NXPE2: variants seen among roughly 807,000 people sequenced by gnomAD.
NXPE2 encodes the protein neurexophilin and PC-esterase domain family member 2, also known as NXPE family member 2.
Under a neutral mutation model 34.4 loss-of-function variants are expected in NXPE2, and 34 were observed. That is an observed-to-expected ratio of 0.99 (90% CI 0.75 to 1.31). NXPE2 has a LOEUF of 1.31. Among genes scored for constraint, NXPE2 ranks in the 40% most tolerant of loss-of-function variants. NXPE2 has a pLI of 0.00. For synonymous variants in NXPE2, 235 were observed against 231.3 expected, an observed-to-expected ratio of 1.02 and a Z score of -0.15; for missense variants, 649 against 672.5, an observed-to-expected ratio of 0.97 and a Z score of 0.39.
At chr11:114,769,395 C>T in the NXPE2 span, among the ~76,000 whole-genome samples, 1 of 152,280 alleles carries the variant, frequency 6.6e-6, no homozygotes, top group Non-Finnish European at 1.5e-5. Context: ...TTGTGGAAGA[C>T]AGTGTGGCAA....
chr11:114,633,395 ATATAT>A, the NXPE2 span, among the ~76,000 whole-genome samples: 1 of 144,580 alleles, frequency 6.9e-6, no homozygotes, highest in Non-Finnish European at 1.5e-5. Context: ...ATTATATATT[ATATAT>A]TATATTTTAT....
chr11:114,614,035 C>A, the NXPE2 span, among the ~76,000 whole-genome samples: 1 of 151,738 alleles, frequency 6.6e-6, no homozygotes, highest in African/African-American at 2.4e-5. Context: ...CGTGGGTAAC[C>A]ACTGTTACCC....
chr11:114,688,368 G>A (rs1951085366), intron 2 of NXPE2, among the ~76,000 whole-genome samples: 1 of 152,018 alleles, frequency 6.6e-6, no homozygotes, highest in South Asian at 2.1e-4. Context: ...TTTTAATTCT[G>A]TTTATGTGGT....
chr11:114,722,489 A>G, the NXPE2 span, among the ~76,000 whole-genome samples: 1 of 151,930 alleles, frequency 6.6e-6, no homozygotes, highest in Non-Finnish European at 1.5e-5. Flanking sequence ...CTAATACACT[A>G]TTTACGTTTA....
chr11:114,698,722 C>A lies in NXPE2; in HGVS notation c.810C>A (p.Thr270=). The A allele has an allele frequency of 1.2e-6, 2 of 1,610,008 alleles. No homozygotes were observed. The highest frequency in any genetic ancestry group is 2.2e-5 in the South Asian group (2 of 90,426). The change falls in exon 3 of 6, where the codon ACC becomes ACA. Residue 270 remains threonine (T), a synonymous_variant. Coordinates refer to ENST00000389586, the MANE Select transcript of NXPE2 (RefSeq NM_182495.6). ...CCTGTGAGGCCTTGACCCACATGAC[C>A]ACTAGGACAAGAAATATTTCCTATC... is the stretch of plus-strand genomic sequence containing the variant. ...HMPCEALTHM[T]TRTRNISYLS... is the part of the protein sequence containing the mutation.
the NXPE2 span, among the ~76,000 whole-genome samples, chr11:114,760,002 TGA>T: frequency 6.6e-6 from 1 of 152,170 alleles, no homozygotes; most frequent in Non-Finnish European, 1.5e-5. Flanking sequence ...TTAACACCCT[TGA>T]TTTTTTTTTT....
chr11:114,727,120 A>G, the NXPE2 span, among the ~76,000 whole-genome samples: 2 of 152,048 alleles, frequency 1.3e-5, no homozygotes, highest in Non-Finnish European at 1.5e-5. Flanking sequence ...TGTTACAGCA[A>G]CACCTTCACT....
chr11:114,811,776 C>T, the NXPE2 span, among the ~76,000 whole-genome samples: 1 of 152,302 alleles, frequency 6.6e-6, no homozygotes, highest in South Asian at 2.1e-4. Flanking sequence ...CTGTGGTCAC[C>T]AGTCGTAGGG....
chr11:114,580,455 GA>G, the NXPE2 span: 2 of 767,632 alleles, frequency 2.6e-6, no homozygotes, highest in East Asian at 2.6e-5. Flanking sequence ...GGTAATGGTG[GA>G]AAAAGTATTA....
the NXPE2 span, among the ~76,000 whole-genome samples, chr11:114,492,202 G>T: frequency 3.3e-5 from 5 of 151,818 alleles, no homozygotes; most frequent in Non-Finnish European, 7.4e-5. Context: ...TTTCCATTTT[G>T]TTGATATTTT....
the NXPE2 span, chr11:114,571,024 T>C: frequency 3.1e-6 from 5 of 1,613,418 alleles, no homozygotes; most frequent in Non-Finnish European, 4.2e-6. Flanking sequence ...TATGCAATTG[T>C]TATATCCCAG....
chr11:114,634,700 G>A, the NXPE2 span, among the ~76,000 whole-genome samples: 1 of 152,034 alleles, frequency 6.6e-6, no homozygotes, highest in Non-Finnish European at 1.5e-5. Flanking sequence ...GGTTTTCCCA[G>A]CACCATTTAT....
the NXPE2 span, among the ~76,000 whole-genome samples, chr11:114,651,274 G>C: frequency 6.6e-6 from 1 of 151,816 alleles, no homozygotes; most frequent in Non-Finnish European, 1.5e-5. Flanking sequence ...TCTTCCTTGC[G>C]GTGGGTTCGT....
chr11:114,751,856 T>G, the NXPE2 span, among the ~76,000 whole-genome samples: 4 of 152,038 alleles, frequency 2.6e-5, no homozygotes, highest in Admixed American at 2.6e-4. Flanking sequence ...GCAGGGGGGT[T>G]AGAGTCAGAG....
the NXPE2 span, among the ~76,000 whole-genome samples, chr11:114,667,337 A>T: frequency 5.9e-5 from 9 of 152,178 alleles, no homozygotes; most frequent in Admixed American, 5.9e-4. Context: ...AACTAAACAA[A>T]TTTCTCCTAA....
At chr11:114,638,539 C>A in the NXPE2 span, among the ~76,000 whole-genome samples, 3 of 152,044 alleles carry the variant, frequency 2.0e-5, no homozygotes, top group Non-Finnish European at 4.4e-5. Context: ...AGGAGAGGTG[C>A]TCTGCTTTTT....
At chr11:114,594,541 T>C in the NXPE2 span, 2 of 674,978 alleles carry the variant, frequency 3.0e-6, no homozygotes, top group Non-Finnish European at 5.3e-6. Flanking sequence ...TGTTGTTTGG[T>C]ATCTAGCTAT....
the NXPE2 span, among the ~76,000 whole-genome samples, chr11:114,653,363 C>T: frequency 1.3e-5 from 2 of 152,260 alleles, no homozygotes; most frequent in South Asian, 4.1e-4. Flanking sequence ...ATAAGCTCAA[C>T]GGTTTTGTTG....
At chr11:114,530,021 A>G in the NXPE2 span, 1 of 713,320 alleles carries the variant, frequency 1.4e-6, no homozygotes, top group Non-Finnish European at 2.3e-6. Flanking sequence ...ACTTTGGCCT[A>G]GAGTGGTGAG....
Sources: allele counts gnomAD v4.1 joint callset (sites outside exome capture counted in the v4.1 genomes callset), GRCh38; gene constraint gnomAD v4.1.1; transcripts MANE v1.5; gene names NCBI Gene and HGNC (gene_info 2026-07-23, HGNC 2026-07-21).